The following VEPH1 variants were observed in gnomAD, a reference collection of about 807,000 sequenced individuals.
VEPH1 encodes the protein ventricular zone expressed PH domain containing 1.
A neutral mutation model predicts 85.2 loss-of-function variants in VEPH1; 80 were observed. That is an observed-to-expected ratio of 0.94 (90% CI 0.78 to 1.13). The LOEUF (loss-of-function observed/expected upper bound fraction) is 1.13, where lower values mean the gene tolerates loss of function less well. VEPH1 is among the 50% of genes most tolerant of loss of function. The probability of loss-of-function intolerance (pLI) is 0.00; values close to 1 mark genes in which losing one functional copy is unlikely to be tolerated. For missense variants in VEPH1, 955 were observed against 980.5 expected (o/e 0.97, Z 0.35); for synonymous variants, 297 against 348.0 (o/e 0.85, Z 1.63).
At chr3:157,474,543 G>A (rs1737266492) in intron 2 of VEPH1, among the ~76,000 whole-genome samples, 2 of 152,028 alleles carry the variant, frequency 1.3e-5, no homozygotes, top group Admixed American at 6.6e-5. Context: ...ATCATTCAAC[G>A]ATTCTTAATA....
At chr3:157,342,831 C>G (rs1026367961) in intron 9 of VEPH1, among the ~76,000 whole-genome samples, 4 of 152,200 alleles carry the variant, frequency 2.6e-5, no homozygotes, top group African/African-American at 9.7e-5. Flanking sequence ...AACTGTCTCT[C>G]AGACCACAGT....
chr3:157,386,265 A>G (rs1236887905), intron 6 of VEPH1, among the ~76,000 whole-genome samples: 1 of 150,678 alleles, frequency 6.6e-6, no homozygotes, highest in African/African-American at 2.4e-5. Flanking sequence ...AAAAAAAAAA[A>G]AAAAAAAAAG....
intron 4 of VEPH1, among the ~76,000 whole-genome samples, chr3:157,453,605 T>C (rs1735141182): frequency 6.6e-6 from 1 of 152,086 alleles, no homozygotes; most frequent in Non-Finnish European, 1.5e-5. Context: ...TAAGGATTAG[T>C]GTACTGCAAG....
At chr3:157,265,365 T>C (rs1238075586) in intron 13 of VEPH1, among the ~76,000 whole-genome samples, 161 bp downstream of exon 13, 1 of 152,136 alleles carries the variant, frequency 6.6e-6, no homozygotes, top group African/African-American at 2.4e-5. Context: ...AACATAGGAA[T>C]AAACAGACTA....
At chr3:157,396,673 C>G (rs7629293) in intron 6 of VEPH1, among the ~76,000 whole-genome samples, 1 of 152,000 alleles carries the variant, frequency 6.6e-6, no homozygotes, top group Admixed American at 6.5e-5. Context: ...GGTTTTGATC[C>G]GCATTTCTTT....
At chr3:157,477,660 G>A (rs1260269850) in intron 2 of VEPH1, among the ~76,000 whole-genome samples, 2 of 152,102 alleles carry the variant, frequency 1.3e-5, no homozygotes, top group Non-Finnish European at 2.9e-5. Flanking sequence ...ACAAAGTAGA[G>A]AGAATGACTT....
rs535058224 is a variant in VEPH1 at position 157,266,607 on chromosome 3, T to C, written c.2129-945A>G. ...ATCTAACATGGTGCCTGGCAAATAG[T>C]AGGAAGTCTATAAATATTTGTTGAC... On this transcript the variant is annotated intron_variant, in intron 12 of 13. Coordinates refer to ENST00000362010, the MANE Select transcript of VEPH1 (RefSeq NM_001167912.2). Among the ~76,000 whole-genome samples the C allele has an allele frequency of 4.6e-5, 7 of 152,336 alleles. No individual in the cohort carries two copies. The East Asian group carries it at 7.7e-4, about 17-fold the overall frequency.
intron 7 of VEPH1, among the ~76,000 whole-genome samples, chr3:157,379,675 A>G (rs775637604): frequency 1.3e-5 from 2 of 152,194 alleles, no homozygotes; most frequent in Non-Finnish European, 2.9e-5. Context: ...CTTGTTTCAC[A>G]CTGGAAATGG....
chr3:157,325,204 A>C (rs1186776914), intron 9 of VEPH1, among the ~76,000 whole-genome samples: 1 of 151,352 alleles, frequency 6.6e-6, no homozygotes, highest in Non-Finnish European at 1.5e-5. Flanking sequence ...TTTTCTTGTA[A>C]ATTTGTTTAA....
At position 157,461,090 on chromosome 3, in the gene VEPH1, T is replaced by G. The variant is rs184688084; in HGVS notation, c.355-735A>C. ...CTAATTAGATTCAGAGGAAAAAAAATAAATGAATGTAAGATTAAAACCTAA... is the reference window on the plus strand; with the variant it reads ...CTAATTAGATTCAGAGGAAAAAAAAGAAATGAATGTAAGATTAAAACCTAA... On this transcript the variant is annotated intron_variant, in intron 3 of 13. Transcript: ENST00000362010. 1.5e-3 allele frequency among the ~76,000 whole-genome samples: 224 copies of G among 152,090 alleles called. 1 individual carries two copies. The highest frequency in any genetic ancestry group is 4.7e-3 in the African/African-American group (196 of 41,514).
chr3:157,468,060 T>G (rs1281945245), intron 3 of VEPH1, among the ~76,000 whole-genome samples: 1 of 152,204 alleles, frequency 6.6e-6, no homozygotes, highest in Non-Finnish European at 1.5e-5. Flanking sequence ...ATGCTTACGA[T>G]TCTCTGATCT....
chr3:157,427,610 A>C (rs192539156), intron 5 of VEPH1, among the ~76,000 whole-genome samples: 1 of 151,812 alleles, frequency 6.6e-6, no homozygotes, highest in South Asian at 2.1e-4. Context: ...TGCCTCCTCC[A>C]TGCCCTGCTA....
chr3:157,262,355 G>C (rs1311469545), intron 13 of VEPH1, among the ~76,000 whole-genome samples: 1 of 151,896 alleles, frequency 6.6e-6, no homozygotes, highest in Non-Finnish European at 1.5e-5. Flanking sequence ...TATACTTATG[G>C]ATTTTCATGA....
intron 10 of VEPH1, among the ~76,000 whole-genome samples, chr3:157,316,308 C>T (rs1039446385): frequency 3.3e-5 from 5 of 151,324 alleles, no homozygotes; most frequent in African/African-American, 1.2e-4. Flanking sequence ...CTGCCTTTAC[C>T]CTCCCTGCTT....
intron 7 of VEPH1, among the ~76,000 whole-genome samples, chr3:157,365,810 C>T (rs769139003): frequency 4.8e-4 from 73 of 152,196 alleles, no homozygotes; most frequent in South Asian, 1.0e-3. Flanking sequence ...TTTCTGGGTA[C>T]GCTGTACTCC....
chr3:157,359,673 G>A (rs1018592629), intron 9 of VEPH1, among the ~76,000 whole-genome samples: 1 of 152,188 alleles, frequency 6.6e-6, no homozygotes, highest in Non-Finnish European at 1.5e-5. Flanking sequence ...TTGTGACCCT[G>A]ATTCAACTCA....
At position 157,495,253 on chromosome 3, in the gene VEPH1, T is replaced by C; in HGVS notation, c.97A>G (p.Thr33Ala). The change falls in exon 2 of 14, where the codon ACA becomes GCA. Residue 33 changes from threonine to alanine, a missense_variant. Physicochemically the swap from Thr to Ala is moderately conservative, Grantham distance 58. Transcript: ENST00000362010. ...ATCTTAATTTGCTCCAAAGCTTCTG[T>C]AAGGCTGTCTTCAATCTCAGAGTCA... ...LDDSEIEDSL[T>A]EALEQIKIIS... The C allele has an allele frequency of 6.2e-7, 1 of 1,614,044 alleles. No individual in the cohort carries two copies. Among genetic ancestry groups the C allele is most frequent in the African/African-American group, 1.3e-5 (1 of 75,056 alleles).
chr3:157,383,732 T>C (rs565223844), intron 6 of VEPH1, among the ~76,000 whole-genome samples: 2 of 152,240 alleles, frequency 1.3e-5, no homozygotes, highest in Admixed American at 1.3e-4. Context: ...GGACAGCTAG[T>C]TGAAGCTAAA....
At chr3:157,416,687 A>G (rs754315474) in intron 5 of VEPH1, among the ~76,000 whole-genome samples, 26 of 152,228 alleles carry the variant, frequency 1.7e-4, no homozygotes, top group Non-Finnish European at 3.5e-4. Context: ...TTAAAATTTA[A>G]ACTCCAGTGA....
Sources: allele counts gnomAD v4.1 joint callset (sites outside exome capture counted in the v4.1 genomes callset), GRCh38; gene constraint gnomAD v4.1.1; transcripts MANE v1.5; gene names NCBI Gene and HGNC (gene_info 2026-07-23, HGNC 2026-07-21).